The following ATP8A1 variants were observed in gnomAD, a reference collection of about 807,000 sequenced individuals.
ATP8A1 encodes the protein ATPase phospholipid transporting 8A1, also known as phospholipid-transporting ATPase IA.
Under a neutral mutation model 177.7 loss-of-function variants are expected in ATP8A1, and 90 were observed. The observed-to-expected ratio is 0.51, with a 90% confidence interval of 0.43 to 0.60. ATP8A1 has a LOEUF of 0.60. Among genes scored for constraint, ATP8A1 ranks in the 20% least tolerant of loss-of-function variants. The probability of loss-of-function intolerance (pLI) is 0.00; values close to 1 mark genes in which losing one functional copy is unlikely to be tolerated. For synonymous variants in ATP8A1, 493 were observed against 485.9 expected, an observed-to-expected ratio of 1.01 and a Z score of -0.19; for missense variants, 1,072 against 1,392.8, an observed-to-expected ratio of 0.77 and a Z score of 3.67.
At chr4:42,446,100 G>GAAAAAA in intron 31 of ATP8A1, among the ~76,000 whole-genome samples, 1 of 81,692 alleles carries the variant, frequency 1.2e-5, no homozygotes, top group South Asian at 4.7e-4. Context: ...AAAAAAAAAA[G>GAAAAAA]AGAAGAGATA....
intron 31 of ATP8A1, 22 bp downstream of exon 31, chr4:42,446,561 G>C: frequency 6.2e-7 from 1 of 1,609,664 alleles, no homozygotes; most frequent in Non-Finnish European, 8.5e-7. Flanking sequence ...ACACGCAAAC[G>C]AGACCGACAT....
rs551288200 is a variant in ATP8A1 at position 42,534,879 on chromosome 4, C to T, written c.1722+9038G>A. Among the ~76,000 whole-genome samples the T allele has an allele frequency of 2.4e-4, 36 of 152,226 alleles. 1 individual carries two copies. The highest frequency in any genetic ancestry group is 6.2e-4 in the South Asian group (3 of 4,820). ...CTTTAGCCTCAAATAAAACAATTAT[C>T]GGCCAAGAATTTTGTATCCAGCGAA... is the stretch of plus-strand genomic sequence containing the variant. On this transcript the variant is annotated intron_variant, in intron 20 of 36. Transcript: ENST00000381668.
At chr4:42,430,725 T>A (rs1400048013) in intron 33 of ATP8A1, among the ~76,000 whole-genome samples, 1 of 152,170 alleles carries the variant, frequency 6.6e-6, no homozygotes, top group Non-Finnish European at 1.5e-5. Context: ...TGAGAACATG[T>A]GGTATTTAGT....
At chr4:42,566,099 T>A (rs1731313677) in intron 15 of ATP8A1, among the ~76,000 whole-genome samples, 1 of 152,232 alleles carries the variant, frequency 6.6e-6, no homozygotes, top group African/African-American at 2.4e-5. Flanking sequence ...ACAACCATCA[T>A]CTGATTATCT....
At chr4:42,547,550 T>A (rs1260216846) in intron 19 of ATP8A1, among the ~76,000 whole-genome samples, 2 of 152,200 alleles carry the variant, frequency 1.3e-5, no homozygotes, top group East Asian at 3.9e-4. Flanking sequence ...AAAAAACGTA[T>A]CTAAATGGCA....
intron 15 of ATP8A1, among the ~76,000 whole-genome samples, chr4:42,559,195 C>T (rs898154767): frequency 3.3e-5 from 5 of 152,066 alleles, no homozygotes; most frequent in African/African-American, 9.7e-5. Flanking sequence ...TAAAACAAAA[C>T]AAAACACAAC....
At position 42,575,603 on chromosome 4, in the gene ATP8A1, A is replaced by C. The variant is rs201221245; in HGVS notation, c.1206+19T>G. ...TAACTTTTTAATTCCACACATAATC[A>C]ACAATAAATTGAGTTTACCTGGCCA... On this transcript the variant is annotated intron_variant, in intron 13 of 36. Transcript: ENST00000381668. The C allele has an allele frequency of 4.5e-5, 73 of 1,607,464 alleles. No homozygotes were observed. The highest frequency in any genetic ancestry group is 6.1e-5 in the Non-Finnish European group (72 of 1,174,512).
chr4:42,503,393 A>G lies in ATP8A1; in HGVS notation c.2151+57T>C, dbSNP rs1401969965. The G allele has an allele frequency of 7.9e-6, 8 of 1,017,876 alleles. No homozygotes were observed. The Admixed American group carries it at 1.6e-4, about 21-fold the overall frequency. The allele number at this position is 1,017,876 out of a possible 1,614,324, so 63.1% of individuals were successfully genotyped here. ...ATTTCCATAGCTATCTGAATATAAA[A>G]TACTATAGCATGAATATATTATTAA... On this transcript the variant is annotated intron_variant, in intron 24 of 36. Transcript: ENST00000381668.
At chr4:42,615,968 G>T (rs1736867927) in intron 5 of ATP8A1, 65 bp downstream of exon 5, 2 of 1,389,398 alleles carry the variant, frequency 1.4e-6, no homozygotes, top group Non-Finnish European at 1.0e-6. Context: ...ATATGTAATT[G>T]AAGTGTTTGT....
At chr4:42,563,248 T>G (rs895548310) in intron 15 of ATP8A1, among the ~76,000 whole-genome samples, 2 of 152,218 alleles carry the variant, frequency 1.3e-5, no homozygotes, top group African/African-American at 4.8e-5. Flanking sequence ...ACTCTTGTTA[T>G]GTTTAACAAA....
intron 25 of ATP8A1, 118 bp from the exon 26 acceptor site, chr4:42,465,194 T>C: frequency 1.1e-6 from 1 of 878,488 alleles, no homozygotes; most frequent in Non-Finnish European, 1.7e-6. Flanking sequence ...GAAGAAACCT[T>C]ATGATAAAGT....
intron 15 of ATP8A1, among the ~76,000 whole-genome samples, chr4:42,568,355 GTAAT>G (rs1307728004): frequency 3.3e-5 from 5 of 152,110 alleles, no homozygotes; most frequent in African/African-American, 7.2e-5. Flanking sequence ...AAATACATGA[GTAAT>G]ATGAAAATAA....
At position 42,610,807 on chromosome 4, in the gene ATP8A1, C is replaced by T. The variant is rs564437581; in HGVS notation, c.409+5226G>A. 1.6e-4 allele frequency among the ~76,000 whole-genome samples: 25 copies of T among 152,288 alleles called. No homozygotes were observed. The South Asian group carries it at 4.8e-3, about 29-fold the overall frequency. On this transcript the variant is annotated intron_variant, in intron 5 of 36. Transcript: ENST00000381668. ...GCTTAATTTTAAGTCCCTAGGATCA[C>T]TGAAACACTACTTTCTAAAAACCAT...
chr4:42,472,426 T>C (rs1406682113), intron 25 of ATP8A1: 4 of 319,622 alleles, frequency 1.3e-5, no homozygotes, highest in Admixed American at 4.0e-5. Flanking sequence ...AAAAAGGTAG[T>C]GGAACCAAAT....
chr4:42,629,005 T>C (rs920008781), intron 1 of ATP8A1, among the ~76,000 whole-genome samples: 9 of 152,200 alleles, frequency 5.9e-5, no homozygotes, highest in East Asian at 1.9e-4. Context: ...CCTACTTACA[T>C]TGAGGTCTCA....
intron 27 of ATP8A1, among the ~76,000 whole-genome samples, chr4:42,462,740 C>T (rs536176065): frequency 6.6e-6 from 1 of 152,332 alleles, no homozygotes; most frequent in East Asian, 1.9e-4. Flanking sequence ...GGTAGATCCA[C>T]TGACTGCATT....
At chr4:42,586,268 T>C in intron 9 of ATP8A1, 81 bp downstream of exon 9, 1 of 1,499,206 alleles carries the variant, frequency 6.7e-7, no homozygotes, top group Non-Finnish European at 9.1e-7. Context: ...AAGAAGATAA[T>C]ATGTATCCAG....
intron 25 of ATP8A1, among the ~76,000 whole-genome samples, chr4:42,480,066 C>T (rs1379779220): frequency 3.4e-5 from 5 of 145,924 alleles, no homozygotes; most frequent in African/African-American, 1.3e-4. Flanking sequence ...GATGGTTTAC[C>T]TAAAAGGAGT....
At position 42,622,456 on chromosome 4, in the gene ATP8A1, T is replaced by C. The variant is rs28831481; in HGVS notation, c.363+2080A>G. ...ACTATAAAAACCCTGGAAGAAAACC[T>C]AGGCACTACTATTCAGGACATAGGC... On this transcript the variant is annotated intron_variant, in intron 4 of 36. Coordinates refer to ENST00000381668, the MANE Select transcript of ATP8A1 (RefSeq NM_006095.2). Among the ~76,000 whole-genome samples the C allele has an allele frequency of 7.9e-3, 1,199 of 152,046 alleles. 20 individuals are homozygous for C. The highest frequency in any genetic ancestry group is 0.027 in the African/African-American group (1,110 of 41,496).
Sources: allele counts gnomAD v4.1 joint callset (sites outside exome capture counted in the v4.1 genomes callset), GRCh38; gene constraint gnomAD v4.1.1; transcripts MANE v1.5; gene names NCBI Gene and HGNC (gene_info 2026-07-23, HGNC 2026-07-21).